The following LIN52 variants were observed in gnomAD, a reference collection of about 807,000 sequenced individuals.
The protein encoded by LIN52 is lin-52 DREAM MuvB core complex component, also known as protein lin-52 homolog.
LIN52 carries 4 observed loss-of-function variants against 18.5 expected under a neutral mutation model. That is an observed-to-expected ratio of 0.22 (90% CI 0.11 to 0.49). The LOEUF (loss-of-function observed/expected upper bound fraction) is 0.49. LIN52 is among the 20% of genes least tolerant of loss of function. LIN52 has a pLI of 0.97. For missense variants in LIN52, 102 were observed against 139.5 expected (o/e 0.73, Z 1.35); for synonymous variants, 34 against 45.5 (o/e 0.75, Z 1.02).
intron 5 of LIN52, among the ~76,000 whole-genome samples, chr14:74,147,728 C>A (rs1334697472): frequency 6.6e-6 from 1 of 151,796 alleles, no homozygotes; most frequent in Non-Finnish European, 1.5e-5. Context: ...ATAAGCCAGT[C>A]ACAAAAAAAC....
At chr14:74,138,742 C>A (rs1432908313) in intron 5 of LIN52, among the ~76,000 whole-genome samples, 3 of 148,524 alleles carry the variant, frequency 2.0e-5, no homozygotes, top group Non-Finnish European at 4.4e-5. Context: ...TGCACTCCAG[C>A]CTGGGAGACA....
At chr14:74,119,307 G>GC (rs71115960) in intron 5 of LIN52, among the ~76,000 whole-genome samples, 27 of 151,102 alleles carry the variant, frequency 1.8e-4, no homozygotes, top group East Asian at 1.6e-3. Flanking sequence ...GACTACAGGC[G>GC]CCCCCCCACC....
At chr14:74,119,488 A>G (rs1423394611) in intron 5 of LIN52, among the ~76,000 whole-genome samples, 1 of 152,074 alleles carries the variant, frequency 6.6e-6, no homozygotes, top group East Asian at 1.9e-4. Flanking sequence ...CATTGGATAT[A>G]TAACTAGGAA....
chr14:74,133,431 G>T (rs937506981), intron 5 of LIN52, among the ~76,000 whole-genome samples: 1 of 152,130 alleles, frequency 6.6e-6, no homozygotes, highest in Admixed American at 6.5e-5. Context: ...TTAAGAAATA[G>T]ATATTAATTC....
At chr14:74,129,927 T>C (rs1484267308) in intron 5 of LIN52, among the ~76,000 whole-genome samples, 2 of 152,168 alleles carry the variant, frequency 1.3e-5, no homozygotes, top group Non-Finnish European at 2.9e-5. Flanking sequence ...CAGTTCCACA[T>C]AGCTGGGGAG....
chr14:74,113,083 C>A (rs1266643045), intron 5 of LIN52, among the ~76,000 whole-genome samples: 1 of 152,082 alleles, frequency 6.6e-6, no homozygotes, highest in African/African-American at 2.4e-5. Flanking sequence ...GTAATATTTG[C>A]AATTTCTGGA....
At chr14:74,117,336 G>C (rs980427818) in intron 5 of LIN52, among the ~76,000 whole-genome samples, 1 of 152,124 alleles carries the variant, frequency 6.6e-6, no homozygotes, top group South Asian at 2.1e-4. Context: ...ATGTTTTCGG[G>C]CTGTCTTCAC....
rs1244873693 is a variant in LIN52 at position 74,091,213 on chromosome 14, T to C, written c.20-19T>C. On this transcript the variant is annotated intron_variant, in intron 1 of 5. Coordinates refer to ENST00000555028, the MANE Select transcript of LIN52 (RefSeq NM_001024674.3). Reference sequence around the variant, plus strand: ...ATGTGTTTCCTGTCTTCTTGGTTCATCTGGATGTTTTGTTCTAGGGACAGA... The same window carrying C: ...ATGTGTTTCCTGTCTTCTTGGTTCACCTGGATGTTTTGTTCTAGGGACAGA... 1.6e-5 allele frequency: 25 copies of C among 1,584,314 alleles called. No individual in the cohort carries two copies. Among genetic ancestry groups the C allele is most frequent in the Non-Finnish European group, 2.2e-5 (25 of 1,154,542 alleles).
Position 74,130,278 on chromosome 14 carries a change from G to GTTTTTTTTTTTTTTTTTTTTTTTT in LIN52, c.283+29058_283+29059insTTTTTTTTTTTTTTTTTTTTTTTT, listed in dbSNP as rs71460958. 2.4e-3 allele frequency among the ~76,000 whole-genome samples: 155 copies of GTTTTTTTTTTTTTTTTTTTTTTTT among 64,794 alleles called. 24 individuals are homozygous for GTTTTTTTTTTTTTTTTTTTTTTTT. The highest frequency in any genetic ancestry group is 0.011 in the Middle Eastern group (1 of 88). 42.5% of individuals were successfully genotyped at this position (64,794 alleles called of 152,430 possible). A position where few individuals can be genotyped will look rare whatever the true frequency, so the allele number is the denominator to read the frequency against. ...GAATTTATTAGATAGGCATTTTTTG[G>GTTTTTTTTTTTTTTTTTTTTTTTT]TTTTTTTTTTTTTTTTTTGAGACAG... On this transcript the variant is annotated intron_variant, in intron 5 of 5. Transcript: ENST00000555028.
In LIN52 at chr14:74,187,803, T is replaced by C. The variant is rs564796836; in HGVS notation, c.284-11119T>C. Among the ~76,000 whole-genome samples, 11 of 152,328 alleles carry C rather than the reference T, an allele frequency of 7.2e-5. No individual in the cohort carries two copies. In the South Asian group the frequency reaches 2.1e-3, roughly 29 times the overall value. On this transcript the variant is annotated intron_variant, in intron 5 of 5. Coordinates refer to ENST00000555028, the MANE Select transcript of LIN52 (RefSeq NM_001024674.3). ...AAGTTAATCTTAGGGGAAAATTTTT[T>C]TCTTGTGCCAGCACTTACTGAGCAC...
intron 5 of LIN52, among the ~76,000 whole-genome samples, chr14:74,135,994 T>G (rs895517485): frequency 6.6e-6 from 1 of 152,218 alleles, no homozygotes; most frequent in African/African-American, 2.4e-5. Context: ...CCTTTTCTTT[T>G]TCAGTCCATG....
At chr14:74,131,520 A>G (rs940143371) in intron 5 of LIN52, among the ~76,000 whole-genome samples, 8 of 151,706 alleles carry the variant, frequency 5.3e-5, no homozygotes, top group African/African-American at 1.9e-4. Context: ...GGATTTCACC[A>G]TGTTGGCCAG....
chr14:74,087,413 C>CA (rs59052804), intron 1 of LIN52, among the ~76,000 whole-genome samples: 2,377 of 99,130 alleles, frequency 0.024, 20 homozygotes, highest in African/African-American at 0.031. Context: ...GACTCCATTG[C>CA]AAAAAAAAAA....
chr14:74,128,616 A>T (rs928165592), intron 5 of LIN52, among the ~76,000 whole-genome samples: 1 of 152,218 alleles, frequency 6.6e-6, no homozygotes, highest in African/African-American at 2.4e-5. Context: ...GCATTATCAT[A>T]TGTGAATTAT....
chr14:74,191,632 T>C (rs934135549), intron 5 of LIN52, among the ~76,000 whole-genome samples: 8 of 151,396 alleles, frequency 5.3e-5, no homozygotes, highest in African/African-American at 1.9e-4. Context: ...TTTTTTTCTT[T>C]CTTTCTTTTT....
chr14:74,171,412 GA>G (rs2061270055), intron 5 of LIN52, among the ~76,000 whole-genome samples: 1 of 148,620 alleles, frequency 6.7e-6, no homozygotes, highest in African/African-American at 2.5e-5. Context: ...TTTTACACCA[GA>G]AACAATTAGA....
intron 5 of LIN52, among the ~76,000 whole-genome samples, chr14:74,112,603 A>G (rs562461859): frequency 2.0e-5 from 3 of 152,322 alleles, no homozygotes; most frequent in African/African-American, 7.2e-5. Context: ...TTAAACAGGA[A>G]TGTTAGCTAA....
intron 5 of LIN52, among the ~76,000 whole-genome samples, chr14:74,166,214 A>G (rs1415097932): frequency 7.0e-6 from 1 of 143,448 alleles, no homozygotes; most frequent in Non-Finnish European, 1.5e-5. Context: ...TTAACAATTA[A>G]GTTATTTTTT....
chr14:74,088,061 C>T (rs1214881885), intron 1 of LIN52, among the ~76,000 whole-genome samples: 1 of 152,150 alleles, frequency 6.6e-6, no homozygotes, highest in Non-Finnish European at 1.5e-5. Context: ...TATAGGCTCA[C>T]ACCACCATGC....
Sources: gnomAD v4.1 joint callset for allele counts (sites outside exome capture counted in the v4.1 genomes callset) on GRCh38, gnomAD v4.1.1 for gene constraint, MANE v1.5 for transcripts, NCBI Gene and HGNC (gene_info 2026-07-23, HGNC 2026-07-21) for gene names.